The following EQTN variants were observed in gnomAD, a reference collection of about 807,000 sequenced individuals.
EQTN encodes equatorin.
A neutral mutation model predicts 26.9 loss-of-function variants in EQTN; 29 were observed. That is an observed-to-expected ratio of 1.08 (90% CI 0.80 to 1.47). The LOEUF is 1.47. Among genes scored for constraint, EQTN ranks in the 40% most tolerant of loss-of-function variants. EQTN has a pLI of 0.00. For synonymous variants in EQTN, 129 were observed against 120.0 expected, an observed-to-expected ratio of 1.07 and a Z score of -0.49; for missense variants, 391 against 346.1, an observed-to-expected ratio of 1.13 and a Z score of -1.03.
chr9:27,286,240 T>C lies in EQTN; in HGVS notation c.604A>G (p.Ser202Gly). ...LLFVVLLAFCSATLYKLRHLS... is the reference protein window; with the variant it reads ...LLFVVLLAFCGATLYKLRHLS... The stretch of plus-strand genomic sequence containing the variant: ...TGCCTCAGTTTGTACAGTGTAGCAC[T>C]ACAGAATGCCAAGAGGACCACAAAG... Residue 202 changes from serine (S) to glycine (G), a missense_variant, in exon 7 of 8, where the codon AGT (serine) becomes GGT (glycine). Coordinates refer to ENST00000380032, the MANE Select transcript of EQTN (RefSeq NM_020641.3). 1 of 1,614,030 alleles carries C rather than the reference T, an allele frequency of 6.2e-7. No homozygotes were observed. The highest frequency in any genetic ancestry group is 8.5e-7 in the Non-Finnish European group (1 of 1,179,986).
rs529387509 is a variant in EQTN at position 27,291,002 on chromosome 9, T to G, written c.421+17A>C. 6.2e-7 allele frequency: 1 copy of G among 1,609,798 alleles called. No individual in the cohort carries two copies. Among genetic ancestry groups the G allele is most frequent in the Non-Finnish European group, 8.5e-7 (1 of 1,178,766 alleles). On this transcript the variant is annotated intron_variant, in intron 5 of 7. Transcript: ENST00000380032. Reference sequence around the variant, plus strand: ...AAACCAAAATGTTTCCCAAGCTACCTAGCTGTATGACTTTACCTTTAGCTA... The same window carrying G: ...AAACCAAAATGTTTCCCAAGCTACCGAGCTGTATGACTTTACCTTTAGCTA...
intron 1 of EQTN, 69 bp downstream of exon 1, chr9:27,296,911 C>G: frequency 2.5e-6 from 4 of 1,577,300 alleles, no homozygotes; most frequent in Non-Finnish European, 3.4e-6. Flanking sequence ...TGCCACATAC[C>G]AATTTTTCAT....
chr9:27,285,700 A>G (rs1443730766), intron 7 of EQTN, among the ~76,000 whole-genome samples: 1 of 152,216 alleles, frequency 6.6e-6, no homozygotes, highest in Non-Finnish European at 1.5e-5. Context: ...ACATTAAGCA[A>G]TTCTGTTAGG....
intron 6 of EQTN, among the ~76,000 whole-genome samples, chr9:27,288,498 A>G (rs1418306590): frequency 1.2e-4 from 19 of 152,228 alleles, no homozygotes; most frequent in Admixed American, 3.3e-4. Context: ...CATATGATCC[A>G]GAAATCATAT....
intron 3 of EQTN, among the ~76,000 whole-genome samples, chr9:27,293,331 A>G (rs186894028): frequency 1.2e-4 from 19 of 152,298 alleles, no homozygotes. Flanking sequence ...TCCTCTGGAG[A>G]AAAGCATCTA....
rs565112290 is a variant in EQTN at position 27,285,042 on chromosome 9, G to A, written c.636-70C>T. ...TACATTTGTAACTCAGCTTAGAAAA[G>A]CATTCAAAAATTAAAATATACGAAT... On this transcript the variant is annotated intron_variant, in intron 7 of 7. Coordinates refer to ENST00000380032, the MANE Select transcript of EQTN (RefSeq NM_020641.3). The A allele has an allele frequency of 3.8e-4, 519 of 1,376,064 alleles. 10 individuals carry two copies. In the South Asian group the frequency reaches 7.3e-3, roughly 19 times the overall value. 85.2% of individuals were successfully genotyped at this position (1,376,064 alleles called of 1,614,324 possible).
intron 3 of EQTN, among the ~76,000 whole-genome samples, chr9:27,293,495 G>T (rs996800250): frequency 6.6e-6 from 1 of 152,132 alleles, no homozygotes; most frequent in Non-Finnish European, 1.5e-5. Context: ...TTCTGTCAGA[G>T]CCCCGTTTAA....
chr9:27,291,466 T>C (rs1820233076), intron 4 of EQTN, among the ~76,000 whole-genome samples: 1 of 152,202 alleles, frequency 6.6e-6, no homozygotes, highest in Non-Finnish European at 1.5e-5. Flanking sequence ...ATTCCAGCCG[T>C]GAGCAAACGC....
intron 3 of EQTN, among the ~76,000 whole-genome samples, chr9:27,293,387 T>C (rs1370824259): frequency 6.6e-6 from 1 of 152,190 alleles, no homozygotes; most frequent in Non-Finnish European, 1.5e-5. Flanking sequence ...TTAGGGACTA[T>C]ACTTAAGCAA....
chr9:27,296,212 AG>A (rs1820339880), intron 2 of EQTN, among the ~76,000 whole-genome samples: 1 of 152,104 alleles, frequency 6.6e-6, no homozygotes, highest in Non-Finnish European at 1.5e-5. Context: ...CTGAGGTGGT[AG>A]GACTGCTTGA....
chr9:27,291,113 TA>T, intron 4 of EQTN, 50 bp from the exon 5 acceptor site: 7 of 1,502,506 alleles, frequency 4.7e-6, no homozygotes, highest in Non-Finnish European at 6.3e-6. Flanking sequence ...AACAACAGGA[TA>T]ACAAAATAAT....
chr9:27,290,535 G>A (rs1554640992), intron 5 of EQTN, among the ~76,000 whole-genome samples: 1 of 152,188 alleles, frequency 6.6e-6, no homozygotes, highest in Non-Finnish European at 1.5e-5. Context: ...TGTGATACAT[G>A]CATTACCTTT....
chr9:27,290,640 TGA>T (rs761035822), intron 5 of EQTN, among the ~76,000 whole-genome samples: 3 of 152,266 alleles, frequency 2.0e-5, no homozygotes, highest in Non-Finnish European at 4.4e-5. Flanking sequence ...TACATATTTA[TGA>T]GACACACTTT....
At chr9:27,291,830 T>G (rs1211198777) in intron 4 of EQTN, among the ~76,000 whole-genome samples, 1 of 152,160 alleles carries the variant, frequency 6.6e-6, no homozygotes, top group Non-Finnish European at 1.5e-5. Context: ...GACACGTAAG[T>G]ATCCATTCTC....
chr9:27,296,669 G>A lies in EQTN; in HGVS notation c.146C>T (p.Pro49Leu), dbSNP rs771788234. The change falls in exon 2 of 8, where the codon CCC becomes CTC. Residue 49 changes from proline (P) to leucine (L), a missense_variant. By Grantham distance (98) the Pro-to-Leu change is moderately conservative. Coordinates refer to ENST00000380032, the MANE Select transcript of EQTN (RefSeq NM_020641.3). ...TTTCTCATTAGCAGGAGCATAATTG[G>A]GAGTATGATCTTCATTCTTTTCTTC... is the stretch of plus-strand genomic sequence containing the variant. ...KQEEKNEDHT[P>L]NYAPANEKNG... 1.3e-6 allele frequency: 2 copies of A among 1,597,436 alleles called. No individual in the cohort carries two copies. The highest frequency in any genetic ancestry group is 2.2e-5 in the South Asian group (2 of 89,858).
intron 6 of EQTN, among the ~76,000 whole-genome samples, chr9:27,286,768 G>A (rs1820133433): frequency 6.6e-6 from 1 of 152,062 alleles, no homozygotes; most frequent in African/African-American, 2.4e-5. Context: ...ACACACAAGG[G>A]ACCAGTCTTT....
intron 7 of EQTN, 138 bp downstream of exon 7, chr9:27,286,071 T>G (rs1174995247): frequency 1.2e-6 from 1 of 853,510 alleles, no homozygotes; most frequent in Non-Finnish European, 1.8e-6. Flanking sequence ...TCCATCCGAA[T>G]AGGGTAAATG....
chr9:27,284,981 GA>G lies in EQTN; in HGVS notation c.636-10del. The G allele has an allele frequency of 6.2e-7, 1 of 1,605,374 alleles. No individual in the cohort carries two copies. ...TCTCACAACTTTTATAACTGAAGAA[GA>G]AAAGAACATATATCAAGAATTGTTT... On this transcript the variant is annotated splice_polypyrimidine_tract_variant and intron_variant, in intron 7 of 7. Transcript: ENST00000380032.
At chr9:27,291,352 T>G (rs1171311830) in intron 4 of EQTN, among the ~76,000 whole-genome samples, 1 of 152,220 alleles carries the variant, frequency 6.6e-6, no homozygotes, top group African/African-American at 2.4e-5. Flanking sequence ...AGGGTTTAAT[T>G]TAACTTCTTA....
Sources: allele counts gnomAD v4.1 joint callset (sites outside exome capture counted in the v4.1 genomes callset), GRCh38; gene constraint gnomAD v4.1.1; transcripts MANE v1.5; gene names NCBI Gene and HGNC (gene_info 2026-07-23, HGNC 2026-07-21).